The following ATXN1 variants were observed in gnomAD, a reference collection of about 807,000 sequenced individuals.
The protein encoded by ATXN1 is ataxin-1.
In ATXN1, 8 loss-of-function variants were observed where a neutral mutation model predicts 56.4. That is an observed-to-expected ratio of 0.14 (90% CI 0.08 to 0.26). The LOEUF is 0.26. Ranked by LOEUF, ATXN1 falls within the 10% of genes least tolerant of loss-of-function variation. The pLI, the probability that ATXN1 is intolerant of heterozygous loss-of-function variation, is 1.00. For synonymous variants in ATXN1, 514 were observed against 494.6 expected (o/e 1.04, Z -0.52); for missense variants, 987 against 1,106.5 (o/e 0.89, Z 1.53).
chr6:16,365,690 G>T (rs1206763093), intron 6 of ATXN1, among the ~76,000 whole-genome samples: 2 of 152,126 alleles, frequency 1.3e-5, no homozygotes, highest in African/African-American at 2.4e-5. Context: ...ACAGTCAAAG[G>T]GTGCATTCAG....
intron 4 of ATXN1, among the ~76,000 whole-genome samples, chr6:16,528,569 C>T (rs778724569): frequency 5.9e-5 from 9 of 152,114 alleles, no homozygotes; most frequent in Non-Finnish European, 1.0e-4. Context: ...GTTGTCTTGT[C>T]GTTGTATTGT....
At chr6:16,642,831 T>C (rs1007524809) in intron 3 of ATXN1, among the ~76,000 whole-genome samples, 1 of 152,240 alleles carries the variant, frequency 6.6e-6, no homozygotes, top group Non-Finnish European at 1.5e-5. Flanking sequence ...GTATGTACTT[T>C]TGTTTAGACA....
At chr6:16,533,043 C>T (rs879940719) in intron 4 of ATXN1, among the ~76,000 whole-genome samples, 2 of 151,802 alleles carry the variant, frequency 1.3e-5, no homozygotes, top group Non-Finnish European at 2.9e-5. Context: ...ATTATTCAGC[C>T]CTAAAGAGGA....
Position 16,343,202 on chromosome 6 carries a change from G to A in ATXN1, c.-160-14732C>T, listed in dbSNP as rs964608193. 6.6e-5 allele frequency among the ~76,000 whole-genome samples: 10 copies of A among 152,054 alleles called. No individual in the cohort carries two copies. The South Asian group carries it at 1.2e-3, about 19-fold the overall frequency. On this transcript the variant is annotated intron_variant, in intron 6 of 7. Coordinates refer to ENST00000436367, the MANE Select transcript of ATXN1 (RefSeq NM_001128164.2). ...TACTAAAAAATAGAAAAAATTAGCC[G>A]GGCGTGGTGGTGGGCACGTGTAGTC...
chr6:16,729,581 T>C (rs1554128936), intron 2 of ATXN1, among the ~76,000 whole-genome samples: 2 of 152,180 alleles, frequency 1.3e-5, no homozygotes, highest in Non-Finnish European at 2.9e-5. Flanking sequence ...AGGCAATAAC[T>C]GAAATGGCTT....
At chr6:16,571,640 C>T (rs1300524085) in intron 4 of ATXN1, among the ~76,000 whole-genome samples, 1 of 151,504 alleles carries the variant, frequency 6.6e-6, no homozygotes, top group African/African-American at 2.4e-5. Context: ...TACAGACTCA[C>T]AACATTACAC....
chr6:16,329,127 G>T (rs1259692856), intron 6 of ATXN1, among the ~76,000 whole-genome samples: 2 of 151,846 alleles, frequency 1.3e-5, no homozygotes, highest in African/African-American at 4.8e-5. Context: ...AAGGGCAGAT[G>T]ATGCAGTTCT....
intron 6 of ATXN1, among the ~76,000 whole-genome samples, chr6:16,373,307 T>G (rs1395804034): frequency 6.6e-6 from 1 of 152,258 alleles, no homozygotes; most frequent in African/African-American, 2.4e-5. Flanking sequence ...GTTTTTCCAC[T>G]TATACAATTT....
chr6:16,563,451 T>C (rs2282830), intron 4 of ATXN1, among the ~76,000 whole-genome samples: 45,300 of 151,874 alleles, frequency 0.3, 8,634 homozygotes, highest in East Asian at 0.64. Flanking sequence ...CCATGAGGTC[T>C]AGGCTGGTTA....
intron 5 of ATXN1, among the ~76,000 whole-genome samples, chr6:16,521,788 C>T (rs1440671637): frequency 1.3e-5 from 2 of 152,164 alleles, no homozygotes; most frequent in African/African-American, 4.8e-5. Context: ...GACAACGTGG[C>T]ATTGCAGATG....
intron 6 of ATXN1, among the ~76,000 whole-genome samples, chr6:16,361,174 G>C (rs1157752019): frequency 6.6e-6 from 1 of 152,154 alleles, no homozygotes; most frequent in African/African-American, 2.4e-5. Context: ...TCTGTGTTAG[G>C]GGTGTGGCTC....
At chr6:16,624,301 A>G (rs1466909204) in intron 3 of ATXN1, among the ~76,000 whole-genome samples, 1 of 150,348 alleles carries the variant, frequency 6.7e-6, no homozygotes, top group Non-Finnish European at 1.5e-5. Flanking sequence ...CAGTGAACTG[A>G]GATCACACCA....
At chr6:16,697,146 T>C (rs1759181815) in intron 2 of ATXN1, among the ~76,000 whole-genome samples, 2 of 152,200 alleles carry the variant, frequency 1.3e-5, no homozygotes, top group South Asian at 4.1e-4. Context: ...TTTAGGTGAA[T>C]TTCCATAACA....
chr6:16,518,879 G>A (rs921863972), intron 5 of ATXN1, among the ~76,000 whole-genome samples: 1 of 152,036 alleles, frequency 6.6e-6, no homozygotes, highest in Non-Finnish European at 1.5e-5. Flanking sequence ...TATATGCTAT[G>A]GTCAGTAGCC....
At chr6:16,549,405 T>C (rs1761875061) in intron 4 of ATXN1, among the ~76,000 whole-genome samples, 1 of 152,172 alleles carries the variant, frequency 6.6e-6, no homozygotes, top group African/African-American at 2.4e-5. Flanking sequence ...ATAAAAATTC[T>C]TCAGCTTCAT....
intron 6 of ATXN1, among the ~76,000 whole-genome samples, chr6:16,405,796 A>G (rs1758674010): frequency 6.6e-6 from 1 of 152,244 alleles, no homozygotes; most frequent in Non-Finnish European, 1.5e-5. Flanking sequence ...AAGTACTGCT[A>G]ATGTCCTTTA....
intron 6 of ATXN1, among the ~76,000 whole-genome samples, chr6:16,430,724 C>T (rs112130910): frequency 0.023 from 3,333 of 146,674 alleles, 48 homozygotes; most frequent in Non-Finnish European, 0.036. Context: ...TGTGTGTGTG[C>T]GCGTGTGTGT....
chr6:16,672,628 T>G (rs186437548), intron 2 of ATXN1, among the ~76,000 whole-genome samples: 2 of 152,258 alleles, frequency 1.3e-5, no homozygotes, highest in East Asian at 3.9e-4. Context: ...CAGAGGAAGA[T>G]TCAACTATGG....
At chr6:16,439,637 T>A (rs1184646884) in intron 6 of ATXN1, among the ~76,000 whole-genome samples, 11 of 152,208 alleles carry the variant, frequency 7.2e-5, no homozygotes, top group Admixed American at 2.6e-4. Flanking sequence ...GTTTTGTTTT[T>A]CAAAGCACTT....
Sources: gnomAD v4.1 joint callset for allele counts (sites outside exome capture counted in the v4.1 genomes callset) on GRCh38, gnomAD v4.1.1 for gene constraint, MANE v1.5 for transcripts, NCBI Gene and HGNC (gene_info 2026-07-23, HGNC 2026-07-21) for gene names.